Variants in LYPD5 observed in about 807,000 individuals in gnomAD.
LYPD5 encodes the protein LY6/PLAUR domain containing 5.
LYPD5 carries 21 observed loss-of-function variants against 19.1 expected under a neutral mutation model. That is an observed-to-expected ratio of 1.10 (90% CI 0.78 to 1.58). The LOEUF is 1.58. Ranked by LOEUF, LYPD5 falls within the 40% of genes most tolerant of loss-of-function variation. The pLI, the probability that LYPD5 is intolerant of heterozygous loss-of-function variation, is 0.00. For synonymous variants in LYPD5, 128 were observed against 142.7 expected, an observed-to-expected ratio of 0.90 and a Z score of 0.74; for missense variants, 287 against 329.8, an observed-to-expected ratio of 0.87 and a Z score of 1.00.
chr19:43,818,743 A>G (rs1970394108), intron 1 of LYPD5, among the ~76,000 whole-genome samples: 1 of 152,206 alleles, frequency 6.6e-6, no homozygotes, highest in Admixed American at 6.5e-5. Context: ...GGCCCCAGGC[A>G]CAGGTGAGGC....
Position 43,799,800 on chromosome 19 carries a change from G to A in LYPD5, c.99C>T (p.His33=). 6.2e-7 allele frequency: 1 copy of A among 1,613,744 alleles called. No individual in the cohort carries two copies. The highest frequency in any genetic ancestry group is 8.5e-7 in the Non-Finnish European group (1 of 1,179,860). The change falls in exon 2 of 5, where the codon CAC becomes CAT. Residue 33 remains histidine, a synonymous_variant. Coordinates refer to ENST00000377950, the MANE Select transcript of LYPD5 (RefSeq NM_001031749.3). ...SQALQCYSFE[H]TYFGPFDLRA... is the part of the protein sequence containing the mutation. ...TGAGGTCAAAGGGGCCAAAGTAGGT[G>A]TGCTCAAAGCTGTAGCACTGCAGGG...
Position 43,802,428 on chromosome 19 carries a change from C to T in LYPD5, c.-48G>A, listed in dbSNP as rs998453100. The T allele has an allele frequency of 1.3e-6, 2 of 1,525,996 alleles. No homozygotes were observed. Among genetic ancestry groups the T allele is most frequent in the Non-Finnish European group, 1.8e-6 (2 of 1,124,010 alleles). 94.5% of individuals were successfully genotyped at this position (1,525,996 alleles called of 1,614,324 possible). A position where few individuals can be genotyped will look rare whatever the true frequency, so the allele number is the denominator to read the frequency against. ...CAGCTCCTCCCGCTGTGATGTGCTG[C>T]CTGGCTGGTTCTCCTTACTGAGTCC... On this transcript the variant is annotated 5_prime_UTR_variant, in exon 1 of 5. Transcript: ENST00000377950.
chr19:43,815,515 C>T (rs902200363), intron 1 of LYPD5, among the ~76,000 whole-genome samples: 2 of 151,508 alleles, frequency 1.3e-5, no homozygotes, highest in African/African-American at 4.9e-5. Flanking sequence ...GTCAAGGCTG[C>T]AGTGAGCTGT....
intron 1 of LYPD5, among the ~76,000 whole-genome samples, chr19:43,812,983 C>T (rs2146506294): frequency 6.6e-6 from 1 of 152,264 alleles, no homozygotes; most frequent in East Asian, 1.9e-4. Flanking sequence ...TTTAGCTGGT[C>T]CTCAATTAGG....
upstream of LYPD5, among the ~76,000 whole-genome samples, chr19:43,805,262 T>C (rs964467507): frequency 6.6e-6 from 1 of 152,200 alleles, no homozygotes. Flanking sequence ...GCCCAAATAG[T>C]TGAGAAGTAT....
chr19:43,798,940 G>A lies in LYPD5; in HGVS notation c.242C>T (p.Pro81Leu), dbSNP rs200565347. 3.1e-6 allele frequency: 5 copies of A among 1,591,586 alleles called. No individual in the cohort carries two copies. In the East Asian group the frequency reaches 9.1e-5, roughly 29 times the overall value. Residue 81 changes from proline to leucine, a missense_variant, in exon 3 of 5, where the codon CCT becomes CTT. Physicochemically the swap from Pro to Leu is moderately conservative, Grantham distance 98. Coordinates refer to ENST00000377950, the MANE Select transcript of LYPD5 (RefSeq NM_001031749.3). ...GTTCGATTGCGTCTGGCCCGCAGGA[G>A]GCCCGGTCCAGCAGCCCTTCCGCAC... Reference protein sequence around the residue: ...TLVRKGCWTGPPAGQTQSNAD... With the variant: ...TLVRKGCWTGLPAGQTQSNAD...
intron 1 of LYPD5, among the ~76,000 whole-genome samples, chr19:43,814,203 A>T (rs1180294802): frequency 1.3e-5 from 2 of 152,116 alleles, no homozygotes; most frequent in Non-Finnish European, 2.9e-5. Flanking sequence ...CTCCAATTTA[A>T]GTGAAGGGGC....
At chr19:43,808,673 A>G (rs777724633) in intron 1 of LYPD5, among the ~76,000 whole-genome samples, 1 of 152,210 alleles carries the variant, frequency 6.6e-6, no homozygotes, top group East Asian at 1.9e-4. Flanking sequence ...TCTGTGCTAC[A>G]TTCTGCCAAA....
In LYPD5 at chr19:43,797,652, C is replaced by T. The variant is rs780347177; in HGVS notation, c.695G>A (p.Arg232Gln). The T allele has an allele frequency of 4.3e-6, 7 of 1,613,252 alleles. No individual in the cohort carries two copies. The highest frequency in any genetic ancestry group is 3.3e-5 in the Admixed American group (2 of 59,926). Residue 232 changes from arginine (R) to glutamine (Q), a missense_variant, in exon 5 of 5, where the codon CGA becomes CAA. Transcript: ENST00000377950. ...GAGCAGGGCCAGGACCTGTAGTGCTCGGGGAGGGGTGGTGGCTGAAGCACT... is the reference window on the plus strand; with the variant it reads ...GAGCAGGGCCAGGACCTGTAGTGCTTGGGGAGGGGTGGTGGCTGAAGCACT... ...FTSASATTPP[R>Q]ALQVLALLLP...
chr19:43,817,005 T>C (rs1039728473), intron 1 of LYPD5, among the ~76,000 whole-genome samples: 2 of 152,208 alleles, frequency 1.3e-5, no homozygotes, highest in African/African-American at 4.8e-5. Context: ...AACCTGTTTT[T>C]CTTTATCAGT....
Position 43,796,702 on chromosome 19 carries a change from C to G in LYPD5, c.*889G>C, listed in dbSNP as rs1043849540. 2 of 152,224 alleles carry G rather than the reference C, an allele frequency of 1.3e-5. No homozygotes were observed. Among genetic ancestry groups the G allele is most frequent in the African/African-American group, 4.8e-5 (2 of 41,450 alleles). 9.4% of individuals were successfully genotyped at this position (152,224 alleles called of 1,614,324 possible). A position where few individuals can be genotyped will look rare whatever the true frequency, so the allele number is the denominator to read the frequency against. On this transcript the variant is annotated 3_prime_UTR_variant, in exon 5 of 5. Transcript: ENST00000377950. ...AATCTGGTCCCTGAATCCATACTCA[C>G]TAGATACACAAGCTCAACCAAGTGC...
Position 43,797,779 on chromosome 19 carries a change from T to C in LYPD5, c.568A>G (p.Thr190Ala). ...YIRTCHRPSC[T>A]TEGTTSPWTA... is the part of the protein sequence containing the mutation. ...CAGGGGCTGGTGGTGCCCTCGGTGG[T>C]GCAGGAGGGCCGGTGGCAGGTTCTG... is the stretch of plus-strand genomic sequence containing the variant. The change falls in exon 5 of 5, where the codon ACC becomes GCC. Residue 190 changes from threonine to alanine, a missense_variant. Thr to Ala is a moderately conservative substitution (Grantham distance 58, BLOSUM62 0). Transcript: ENST00000377950. The C allele has an allele frequency of 1.2e-6, 2 of 1,613,706 alleles. No homozygotes were observed. Among genetic ancestry groups the C allele is most frequent in the Non-Finnish European group, 1.7e-6 (2 of 1,179,832 alleles).
chr19:43,807,262 CTTTCT>C (rs148332176), upstream of LYPD5, among the ~76,000 whole-genome samples: 8,490 of 123,360 alleles, frequency 0.069, 385 homozygotes, highest in African/African-American at 0.13. Flanking sequence ...ACCTCATTTT[CTTTCT>C]TTTCTTTTCT....
intron 3 of LYPD5, 64 bp from the exon 4 acceptor site, chr19:43,798,665 C>A: frequency 6.2e-7 from 1 of 1,603,142 alleles, no homozygotes; most frequent in Non-Finnish European, 8.5e-7. Context: ...GCGGGCTGCG[C>A]ACTGCGCCAG....
chr19:43,805,794 C>T (rs375525311), upstream of LYPD5, among the ~76,000 whole-genome samples: 1 of 152,246 alleles, frequency 6.6e-6, no homozygotes, highest in Non-Finnish European at 1.5e-5. Flanking sequence ...AGGCGTGAAC[C>T]ACCACACCTG....
intron 1 of LYPD5, among the ~76,000 whole-genome samples, chr19:43,808,710 T>G (rs7508701): frequency 0.32 from 49,127 of 152,104 alleles, 8,882 homozygotes; most frequent in South Asian, 0.55. Context: ...TTTTTTCCCC[T>G]TGCAACTTTG....
chr19:43,808,963 C>T (rs1048402974), intron 1 of LYPD5, among the ~76,000 whole-genome samples: 1 of 152,184 alleles, frequency 6.6e-6, no homozygotes, highest in Non-Finnish European at 1.5e-5. Context: ...AACAGACTTG[C>T]ATAATACTCT....
upstream of LYPD5, among the ~76,000 whole-genome samples, chr19:43,806,961 T>C (rs1321556346): frequency 6.6e-6 from 1 of 152,216 alleles, no homozygotes; most frequent in East Asian, 1.9e-4. Context: ...GACTGGCTTA[T>C]TTCACTTAGC....
At chr19:43,800,183 A>C (rs1288067540) in intron 1 of LYPD5, among the ~76,000 whole-genome samples, 2 of 152,234 alleles carry the variant, frequency 1.3e-5, no homozygotes, top group Non-Finnish European at 2.9e-5. Context: ...CAAAGTGGAC[A>C]GCACAGTAAG....
Sources: gnomAD v4.1 joint callset for allele counts (sites outside exome capture counted in the v4.1 genomes callset) on GRCh38, gnomAD v4.1.1 for gene constraint, MANE v1.5 for transcripts, NCBI Gene and HGNC (gene_info 2026-07-23, HGNC 2026-07-21) for gene names.